The following MAP3K9 variants were observed in gnomAD, a reference collection of about 807,000 sequenced individuals.
MAP3K9 encodes the protein mitogen-activated protein kinase kinase kinase 9.
Under a neutral mutation model 95.8 loss-of-function variants are expected in MAP3K9, and 46 were observed. That is an observed-to-expected ratio of 0.48 (90% CI 0.38 to 0.61). The LOEUF (loss-of-function observed/expected upper bound fraction) is 0.61, where lower values mean the gene tolerates loss of function less well. Ranked by LOEUF, MAP3K9 falls within the 20% of genes least tolerant of loss-of-function variation. The pLI, the probability that MAP3K9 is intolerant of heterozygous loss-of-function variation, is 0.00. For missense variants in MAP3K9, 1,296 were observed against 1,474.3 expected (o/e 0.88, Z 1.98); for synonymous variants, 533 against 593.8 (o/e 0.90, Z 1.49).
In MAP3K9 at chr14:70,732,600, T is replaced by C. The variant is rs768126715; in HGVS notation, c.2769A>G (p.Pro923=). Residue 923 remains proline (P), a synonymous_variant, in exon 11 of 12, where the codon CCA becomes CCG. Coordinates refer to ENST00000554752, the MANE Select transcript of MAP3K9 (RefSeq NM_001284230.2). ...GGCTCCTGCTGGCTAGGAGAGTCTC[T>C]GGCTTAAGGGCCCCATCAGAAGGAG... ...RRTPSDGALK[P]ETLLASRSPS... is the part of the protein sequence containing the mutation. The C allele has an allele frequency of 6.8e-5, 110 of 1,606,386 alleles. No homozygotes were observed. Among genetic ancestry groups the C allele is most frequent in the Non-Finnish European group, 8.1e-5 (95 of 1,175,714 alleles).
intron 2 of MAP3K9, among the ~76,000 whole-genome samples, chr14:70,789,313 C>A (rs2054781829): frequency 6.6e-6 from 1 of 152,150 alleles, no homozygotes; most frequent in Admixed American, 6.5e-5. Flanking sequence ...GCCTGGCTGG[C>A]TTAGGAGAGG....
intron 9 of MAP3K9, 61 bp from the exon 10 acceptor site, chr14:70,734,559 C>G: frequency 1.1e-6 from 1 of 918,970 alleles, no homozygotes; most frequent in Non-Finnish European, 1.7e-6. Context: ...TGACCCTCAG[C>G]TCCATGGGTC....
intron 11 of MAP3K9, among the ~76,000 whole-genome samples, chr14:70,732,086 G>A (rs2053912138): frequency 6.6e-6 from 1 of 152,200 alleles, no homozygotes; most frequent in Non-Finnish European, 1.5e-5. Context: ...CTGAGTGTGT[G>A]TGAACTAATG....
intron 1 of MAP3K9, among the ~76,000 whole-genome samples, chr14:70,801,557 CCTTT>C (rs1397004867): frequency 3.3e-5 from 5 of 152,186 alleles, no homozygotes; most frequent in Admixed American, 3.3e-4. Flanking sequence ...TGGCCGAGAT[CCTTT>C]CTTTGAGACT....
intron 9 of MAP3K9, 145 bp downstream of exon 9, chr14:70,735,816 T>A (rs1188906440): frequency 4.5e-5 from 31 of 683,098 alleles, no homozygotes; most frequent in Non-Finnish European, 4.0e-5. Flanking sequence ...ACAATGGTAC[T>A]GCTTAAAACA....
At chr14:70,770,150 A>T (rs1301771350) in intron 2 of MAP3K9, among the ~76,000 whole-genome samples, 11 of 152,100 alleles carry the variant, frequency 7.2e-5, no homozygotes, top group Non-Finnish European at 1.6e-4. Context: ...GGGTCAAGGT[A>T]ATTGCGAGAG....
chr14:70,809,106 C>T lies in MAP3K9; in HGVS notation c.66G>A (p.Glu22=). ...CCTCGGCCCCGGCCCCTGCTCCATC[C>T]TCCCCCGGCGGGGCGGCAGCGGCGG... ...ASAAAAAPPG[E]DGAGAGAEEE... The change falls in exon 1 of 12, where the codon GAG becomes GAA. Residue 22 remains glutamate, a synonymous_variant. Transcript: ENST00000554752. The T allele has an allele frequency of 7.2e-7, 1 of 1,387,044 alleles. No individual in the cohort carries two copies. The highest frequency in any genetic ancestry group is 9.3e-7 in the Non-Finnish European group (1 of 1,079,640). 85.9% of individuals were successfully genotyped at this position (1,387,044 alleles called of 1,614,324 possible).
chr14:70,776,050 A>G (rs1594797684), intron 2 of MAP3K9, among the ~76,000 whole-genome samples: 1 of 152,118 alleles, frequency 6.6e-6, no homozygotes, highest in Middle Eastern at 3.4e-3. Context: ...TTAGCTGAGC[A>G]TGATGGCGGG....
chr14:70,738,789 A>G (rs1038044372), intron 7 of MAP3K9, among the ~76,000 whole-genome samples: 9 of 152,162 alleles, frequency 5.9e-5, no homozygotes, highest in African/African-American at 1.9e-4. Context: ...AAATGCAGGA[A>G]TCTTGGAAAG....
At chr14:70,732,248 C>T (rs576876990) in intron 11 of MAP3K9, among the ~76,000 whole-genome samples, 3 of 152,278 alleles carry the variant, frequency 2.0e-5, no homozygotes, top group African/African-American at 7.2e-5. Context: ...CACTACCCTA[C>T]CCTAAGACTC....
chr14:70,797,167 T>C (rs896156639), intron 2 of MAP3K9, among the ~76,000 whole-genome samples: 5 of 152,214 alleles, frequency 3.3e-5, no homozygotes, highest in Non-Finnish European at 7.3e-5. Flanking sequence ...TGTGTATACA[T>C]ACTCTTTTCT....
At chr14:70,802,509 T>C (rs1185126975) in intron 1 of MAP3K9, among the ~76,000 whole-genome samples, 1 of 152,246 alleles carries the variant, frequency 6.6e-6, no homozygotes, top group African/African-American at 2.4e-5. Flanking sequence ...CTAAGTGCTA[T>C]ATGAGCAAAG....
rs1017574470 is a variant in MAP3K9, at chr14:70,730,276, G to A, written c.*104C>T. On this transcript the variant is annotated 3_prime_UTR_variant, in exon 12 of 12. Transcript: ENST00000554752. ...TCAAAGTGCATTATCAGTGCAAGAA[G>A]TAGGGCTGGATCTCAGGGGGTCCAA... The A allele has an allele frequency of 7.7e-5, 114 of 1,472,696 alleles. No individual in the cohort carries two copies. The highest frequency in any genetic ancestry group is 3.9e-4 in the Middle Eastern group (2 of 5,100). The allele number at this position is 1,472,696 out of a possible 1,614,324, so 91.2% of individuals were successfully genotyped here.
intron 3 of MAP3K9, 76 bp from the exon 4 acceptor site, chr14:70,750,157 T>C: frequency 7.8e-7 from 1 of 1,285,716 alleles, no homozygotes; most frequent in Non-Finnish European, 1.1e-6. Flanking sequence ...GAGTCTTTTC[T>C]GAGCATCCCA....
In MAP3K9 at chr14:70,732,663, G is replaced by T; in HGVS notation, c.2706C>A (p.Thr902=). 1 of 1,604,084 alleles carries T rather than the reference G, an allele frequency of 6.2e-7. No homozygotes were observed. Among genetic ancestry groups the T allele is most frequent in the Non-Finnish European group, 8.5e-7 (1 of 1,174,210 alleles). ...TGCTGGGCTGCGAGGGGGTGGTGAG[G>T]GTGACATGGGTGGGAGTCAGAGATT... ...PNQSLTPTHV[T]LTTPSQPSSH... Residue 902 remains threonine (T), a synonymous_variant, in exon 11 of 12, where the codon ACC becomes ACA. Transcript: ENST00000554752.
chr14:70,745,731 C>A (rs571750546), intron 5 of MAP3K9, among the ~76,000 whole-genome samples: 1 of 149,378 alleles, frequency 6.7e-6, no homozygotes, highest in East Asian at 2.0e-4. Flanking sequence ...GAGCAAGACT[C>A]TGTCTCAAAA....
rs144509926 is a variant in MAP3K9 at position 70,800,611 on chromosome 14, G to A, written c.820+56C>T. On this transcript the variant is annotated intron_variant, in intron 2 of 11. Coordinates refer to ENST00000554752, the MANE Select transcript of MAP3K9 (RefSeq NM_001284230.2). ...TTAGAAGTCCACTCCTACTGACGTC[G>A]TGGGATACAACTGCAACTGCTCTGA... is the stretch of plus-strand genomic sequence containing the variant. 3.2e-5 allele frequency: 49 copies of A among 1,552,596 alleles called. No homozygotes were observed. In the East Asian group the frequency reaches 5.9e-4, roughly 19 times the overall value.
intron 11 of MAP3K9, among the ~76,000 whole-genome samples, chr14:70,731,440 G>A (rs748025743): frequency 3.5e-4 from 53 of 151,828 alleles, no homozygotes; most frequent in Non-Finnish European, 6.3e-4. Context: ...CAGAAACTTT[G>A]TCTCAAAAAA....
chr14:70,800,628 C>T (rs4902857), intron 2 of MAP3K9, 39 bp downstream of exon 2: 370,370 of 1,584,008 alleles, frequency 0.23, 46,115 homozygotes, highest in South Asian at 0.39. Flanking sequence ...ACAACTGCAA[C>T]TGCTCTGAGC....
Sources: gnomAD v4.1 joint callset for allele counts (sites outside exome capture counted in the v4.1 genomes callset) on GRCh38, gnomAD v4.1.1 for gene constraint, MANE v1.5 for transcripts, NCBI Gene and HGNC (gene_info 2026-07-23, HGNC 2026-07-21) for gene names.